KIF3B: variants seen among roughly 807,000 people sequenced by gnomAD.
KIF3B encodes the protein kinesin family member 3B.
Under a neutral mutation model 74.3 loss-of-function variants are expected in KIF3B, and 38 were observed. The observed-to-expected ratio is 0.51, with a 90% CI of 0.39 to 0.67. The LOEUF is 0.67. Among genes scored for constraint, KIF3B ranks in the 30% least tolerant of loss-of-function variants. The pLI is 0.00. For missense variants in KIF3B, 649 were observed against 932.0 expected (o/e 0.70, Z 3.95); for synonymous variants, 326 against 342.5 (o/e 0.95, Z 0.53).
rs372256461 is a variant in KIF3B, at chr20:32,299,401, A to T, written c.-65-10312A>T. Among the ~76,000 whole-genome samples the T allele has an allele frequency of 0.029, 825 of 28,832 alleles. 41 individuals are homozygous for T. In the East Asian group the frequency reaches 0.37, roughly 13 times the overall value. 18.9% of individuals were successfully genotyped at this position (28,832 alleles called of 152,430 possible). The stretch of plus-strand genomic sequence containing the variant: ...TGTGTATATATATATATATATATAT[A>T]TATTTTTTTTTTTTTTTTTTTTTTT... On this transcript the variant is annotated intron_variant, in intron 1 of 8. Coordinates refer to ENST00000375712, the MANE Select transcript of KIF3B (RefSeq NM_004798.4).
chr20:32,304,139 C>T (rs2047757816), intron 1 of KIF3B, among the ~76,000 whole-genome samples: 1 of 152,174 alleles, frequency 6.6e-6, no homozygotes. Flanking sequence ...TGGATTTCTT[C>T]ATTCTAGACA....
rs1173342103 is a variant in KIF3B, at chr20:32,299,399, A to T, written c.-65-10314A>T. The stretch of plus-strand genomic sequence containing the variant: ...TGTGTGTATATATATATATATATAT[A>T]TATATTTTTTTTTTTTTTTTTTTTT... On this transcript the variant is annotated intron_variant, in intron 1 of 8. Coordinates refer to ENST00000375712, the MANE Select transcript of KIF3B (RefSeq NM_004798.4). 0.018 allele frequency among the ~76,000 whole-genome samples: 579 copies of T among 31,660 alleles called. 26 individuals are homozygous for T. In the East Asian group the frequency reaches 0.39, roughly 21 times the overall value. 20.8% of individuals were successfully genotyped at this position (31,660 alleles called of 152,430 possible).
At chr20:32,305,063 G>C (rs2047762868) in intron 1 of KIF3B, among the ~76,000 whole-genome samples, 2 of 152,036 alleles carry the variant, frequency 1.3e-5, no homozygotes, top group African/African-American at 2.4e-5. Context: ...CAGGAGAATT[G>C]CTTGAACCCA....
chr20:32,299,230 G>A (rs1444025325), intron 1 of KIF3B, among the ~76,000 whole-genome samples: 1 of 151,436 alleles, frequency 6.6e-6, no homozygotes, highest in African/African-American at 2.4e-5. Context: ...TGCAGCAGTA[G>A]ATAATATGTA....
intron 1 of KIF3B, among the ~76,000 whole-genome samples, chr20:32,292,296 C>T (rs1158334232): frequency 6.6e-6 from 1 of 151,968 alleles, no homozygotes; most frequent in Non-Finnish European, 1.5e-5. Context: ...AGGAGCTGGA[C>T]GTAGTGGCTC....
At chr20:32,298,899 C>T (rs2047728672) in intron 1 of KIF3B, among the ~76,000 whole-genome samples, 1 of 152,186 alleles carries the variant, frequency 6.6e-6, no homozygotes, top group African/African-American at 2.4e-5. Context: ...CTCAAGTGAT[C>T]ATCCTCCTAC....
intron 5 of KIF3B, among the ~76,000 whole-genome samples, chr20:32,318,758 G>A (rs1205445444): frequency 1.3e-5 from 2 of 151,972 alleles, no homozygotes; most frequent in Non-Finnish European, 1.5e-5. Context: ...TCTAGTCTTT[G>A]GCTATTATGG....
At chr20:32,298,184 C>CT (rs1037050943) in intron 1 of KIF3B, among the ~76,000 whole-genome samples, 27 of 151,946 alleles carry the variant, frequency 1.8e-4, no homozygotes, top group African/African-American at 6.0e-4. Flanking sequence ...ACCAGTAATC[C>CT]CAGCACTTTG....
chr20:32,330,158 G>A lies in KIF3B; in HGVS notation c.1986G>A (p.Leu662=). Residue 662 remains leucine (L), a synonymous_variant, in exon 8 of 9, where the codon CTG becomes CTA. Transcript: ENST00000375712. ...EARYRAENIV[L]LELDMPSRTT... ...TTCTGCAGGCAGAAAACATTGTGCT[G>A]TTAGAGCTGGACATGCCCAGCCGGA... The A allele has an allele frequency of 1.2e-6, 2 of 1,613,640 alleles. No individual in the cohort carries two copies. Among genetic ancestry groups the A allele is most frequent in the Non-Finnish European group, 1.7e-6 (2 of 1,179,794 alleles).
At chr20:32,290,305 C>T (rs996854477) in intron 1 of KIF3B, among the ~76,000 whole-genome samples, 3 of 152,022 alleles carry the variant, frequency 2.0e-5, no homozygotes, top group African/African-American at 7.2e-5. Context: ...ATCCCTTGAA[C>T]CTGGGAGGTG....
At chr20:32,305,147 T>TA (rs1256046914) in intron 1 of KIF3B, among the ~76,000 whole-genome samples, 2 of 151,688 alleles carry the variant, frequency 1.3e-5, no homozygotes. Context: ...AGACTCTGTT[T>TA]AAAAAACAAA....
intron 1 of KIF3B, among the ~76,000 whole-genome samples, chr20:32,282,123 A>G (rs6087861): frequency 0.036 from 5,523 of 152,244 alleles, 105 homozygotes; most frequent in East Asian, 0.052. Context: ...TCTTTGTGGC[A>G]GTGAATTTTA....
At chr20:32,303,870 AAAAAG>A (rs2047756298) in intron 1 of KIF3B, among the ~76,000 whole-genome samples, 1 of 150,974 alleles carries the variant, frequency 6.6e-6, no homozygotes, top group Non-Finnish European at 1.5e-5. Context: ...AAAAAAAAAA[AAAAAG>A]AAAGAAAAAG....
At chr20:32,308,861 G>A (rs1384616668) in intron 1 of KIF3B, among the ~76,000 whole-genome samples, 4 of 151,452 alleles carry the variant, frequency 2.6e-5, no homozygotes, top group Admixed American at 6.6e-5. Flanking sequence ...GACTATAGGC[G>A]CCTGCCACCA....
chr20:32,302,594 A>G (rs1210041122), intron 1 of KIF3B, among the ~76,000 whole-genome samples: 11 of 152,138 alleles, frequency 7.2e-5, no homozygotes. Context: ...GAAGTCTGTA[A>G]TGCAGAAGAA....
chr20:32,305,925 GATTTTGTATTTTTAGTAGACC>G (rs2047768204), intron 1 of KIF3B, among the ~76,000 whole-genome samples: 1 of 151,016 alleles, frequency 6.6e-6, no homozygotes, highest in Non-Finnish European at 1.5e-5. Flanking sequence ...TTTATTGATT[GATTTTGTATTTTTAGTAGACC>G]ATGGTGGCAG....
intron 1 of KIF3B, among the ~76,000 whole-genome samples, chr20:32,293,760 CA>C (rs1352562421): frequency 6.6e-6 from 1 of 152,026 alleles, no homozygotes; most frequent in Non-Finnish European, 1.5e-5. Context: ...GATGAAGGAG[CA>C]ATGCAGATAT....
At chr20:32,288,959 A>G (rs139083200) in intron 1 of KIF3B, among the ~76,000 whole-genome samples, 6 of 152,300 alleles carry the variant, frequency 3.9e-5, no homozygotes, top group South Asian at 2.1e-4. Flanking sequence ...ACTGTTTACT[A>G]TAAAGGTAGC....
chr20:32,315,789 T>C (rs1245319554), intron 2 of KIF3B, among the ~76,000 whole-genome samples: 2 of 152,142 alleles, frequency 1.3e-5, no homozygotes, highest in Non-Finnish European at 2.9e-5. Context: ...TACTGTGTCC[T>C]TTCCTCATGA....
Sources: allele counts gnomAD v4.1 joint callset (sites outside exome capture counted in the v4.1 genomes callset), GRCh38; gene constraint gnomAD v4.1.1; transcripts MANE v1.5; gene names NCBI Gene and HGNC (gene_info 2026-07-23, HGNC 2026-07-21).